The following MBD5 variants were observed in gnomAD, a reference collection of about 807,000 sequenced individuals.
The protein encoded by MBD5 is methyl-CpG-binding domain protein 5.
MBD5 carries 13 observed loss-of-function variants against 117.3 expected under a neutral mutation model. The ratio of observed to expected loss-of-function variants is 0.11; its 90% CI spans 0.07 to 0.18. The LOEUF is 0.18. Ranked by LOEUF, MBD5 falls within the 10% of genes least tolerant of loss-of-function variation. The pLI is 1.00. For missense variants in MBD5, 1,879 were observed against 2,093.8 expected (o/e 0.90, Z 2.00); for synonymous variants, 727 against 766.4 (o/e 0.95, Z 0.85).
chr2:148,497,935 C>A (rs937225159), intron 11 of MBD5, among the ~76,000 whole-genome samples: 1 of 152,082 alleles, frequency 6.6e-6, no homozygotes, highest in Non-Finnish European at 1.5e-5. Flanking sequence ...CTTTCAGTGA[C>A]CCACAAAGAT....
intron 4 of MBD5, among the ~76,000 whole-genome samples, chr2:148,408,822 T>A (rs951313009): frequency 2.0e-5 from 3 of 150,932 alleles, no homozygotes; most frequent in African/African-American, 7.5e-5. Context: ...AACATGTATG[T>A]ACAGGCTTTT....
intron 1 of MBD5, among the ~76,000 whole-genome samples, chr2:148,048,359 G>A (rs969087758): frequency 6.6e-6 from 1 of 152,024 alleles, no homozygotes; most frequent in African/African-American, 2.4e-5. Flanking sequence ...TACTTATTAG[G>A]TGCTGGAATT....
intron 1 of MBD5, among the ~76,000 whole-genome samples, chr2:148,155,696 C>G (rs1231426285): frequency 6.6e-6 from 1 of 152,152 alleles, no homozygotes; most frequent in African/African-American, 2.4e-5. Context: ...TTATTGAATA[C>G]CTTCTGTGTT....
rs1682282804 is a variant in MBD5 at position 148,513,781 on chromosome 2, C to T, written c.*840C>T. On this transcript the variant is annotated 3_prime_UTR_variant, in exon 14 of 14. Coordinates refer to ENST00000642680, the MANE Select transcript of MBD5 (RefSeq NM_001378120.1). ...AAAAAATCTTAGATGGAATATTTTA[C>T]TCAGCCATTTCTGTAGTTAACATTT... is the stretch of plus-strand genomic sequence containing the variant. The T allele has an allele frequency of 6.6e-6, 1 of 152,132 alleles. No homozygotes were observed. The highest frequency in any genetic ancestry group is 1.5e-5 in the Non-Finnish European group (1 of 68,018). 9.4% of individuals were successfully genotyped at this position (152,132 alleles called of 1,614,324 possible).
chr2:148,390,563 G>GTA (rs10566882), intron 4 of MBD5, among the ~76,000 whole-genome samples: 2,582 of 147,630 alleles, frequency 0.017, 42 homozygotes, highest in Middle Eastern at 0.028. Context: ...GTGTATGTGT[G>GTA]TATATATATA....
intron 9 of MBD5, 102 bp downstream of exon 9, chr2:148,484,237 G>A: frequency 9.5e-7 from 1 of 1,057,122 alleles, no homozygotes; most frequent in Middle Eastern, 3.2e-4. Context: ...TTTTAAAAAT[G>A]TTTTTGTTAT....
At chr2:148,294,503 T>TTTTTTTTTTTTTTTTTTTG (rs1559009505) in intron 3 of MBD5, among the ~76,000 whole-genome samples, 8 of 17,826 alleles carry the variant, frequency 4.5e-4, no homozygotes, top group African/African-American at 1.2e-3. Context: ...GGATTACAGT[T>TTTTTTTTTTTTTTTTTTTG]TTTTTTTTTT....
At chr2:148,430,064 GC>G (rs1705936391) in intron 4 of MBD5, among the ~76,000 whole-genome samples, 1 of 151,964 alleles carries the variant, frequency 6.6e-6, no homozygotes, top group Non-Finnish European at 1.5e-5. Flanking sequence ...TTTTCTTATG[GC>G]ATTTTATTTT....
intron 2 of MBD5, among the ~76,000 whole-genome samples, chr2:148,218,908 T>A (rs894698138): frequency 1.3e-5 from 2 of 152,218 alleles, no homozygotes; most frequent in African/African-American, 2.4e-5. Flanking sequence ...CATTACTGTA[T>A]ACTAATGTAG....
At chr2:148,259,854 C>G (rs2106291452) in intron 3 of MBD5, among the ~76,000 whole-genome samples, 1 of 152,312 alleles carries the variant, frequency 6.6e-6, no homozygotes, top group East Asian at 1.9e-4. Flanking sequence ...CAGCCTGCTC[C>G]TGACTGAAGC....
At chr2:148,510,209 C>G in intron 13 of MBD5, 74 bp downstream of exon 13, 1 of 1,123,998 alleles carries the variant, frequency 8.9e-7, no homozygotes, top group South Asian at 1.3e-5. Context: ...GGTAAAGTCT[C>G]TTGAGTATTG....
chr2:148,494,650 G>A (rs1181622472), intron 11 of MBD5, among the ~76,000 whole-genome samples: 1 of 152,078 alleles, frequency 6.6e-6, no homozygotes, highest in African/African-American at 2.4e-5. Flanking sequence ...TTTTTCCCTT[G>A]GTTAACAATT....
intron 3 of MBD5, among the ~76,000 whole-genome samples, chr2:148,265,893 G>A (rs192148469): frequency 1.3e-5 from 2 of 151,806 alleles, no homozygotes; most frequent in Non-Finnish European, 2.9e-5. Flanking sequence ...GAGTATGTGA[G>A]GTGGCAGGCT....
chr2:148,282,130 G>A (rs560442121), intron 3 of MBD5, among the ~76,000 whole-genome samples: 29 of 151,880 alleles, frequency 1.9e-4, no homozygotes, highest in Non-Finnish European at 3.4e-4. Flanking sequence ...TACTTTATCC[G>A]TAATTGCTGA....
chr2:148,053,677 T>C (rs1257787637), intron 1 of MBD5, among the ~76,000 whole-genome samples: 2 of 152,092 alleles, frequency 1.3e-5, no homozygotes, highest in African/African-American at 4.8e-5. Flanking sequence ...CAGTATTATA[T>C]TATTTGAGAT....
At chr2:148,358,377 G>A (rs1301345389) in intron 4 of MBD5, among the ~76,000 whole-genome samples, 1 of 152,068 alleles carries the variant, frequency 6.6e-6, no homozygotes, top group Non-Finnish European at 1.5e-5. Context: ...ATACAGGAGG[G>A]ATATAATTAG....
At chr2:148,377,643 A>T (rs778296839) in intron 4 of MBD5, among the ~76,000 whole-genome samples, 17 of 152,172 alleles carry the variant, frequency 1.1e-4, no homozygotes, top group Non-Finnish European at 2.2e-4. Flanking sequence ...ATTTTCATCA[A>T]AACGTAATAA....
At chr2:148,376,860 A>C (rs1704006839) in intron 4 of MBD5, among the ~76,000 whole-genome samples, 3 of 140,408 alleles carry the variant, frequency 2.1e-5, no homozygotes, top group Non-Finnish European at 4.6e-5. Context: ...TATTATAATC[A>C]TATATATAAT....
At chr2:148,073,206 G>A (rs114856056) in intron 1 of MBD5, among the ~76,000 whole-genome samples, 85 of 152,162 alleles carry the variant, frequency 5.6e-4, no homozygotes, top group African/African-American at 2.0e-3. Flanking sequence ...CCCCTACTGT[G>A]GTGATGAAGT....
Sources: allele counts gnomAD v4.1 joint callset (sites outside exome capture counted in the v4.1 genomes callset), GRCh38; gene constraint gnomAD v4.1.1; transcripts MANE v1.5; gene names NCBI Gene and HGNC (gene_info 2026-07-23, HGNC 2026-07-21).